The following FHIT variants were observed in gnomAD, a reference collection of about 807,000 sequenced individuals.
The protein encoded by FHIT is bis(5'-adenosyl)-triphosphatase.
In FHIT, 19 loss-of-function variants were observed where a neutral mutation model predicts 17.9. That is an observed-to-expected ratio of 1.06 (90% CI 0.74 to 1.56). FHIT has a LOEUF of 1.56. Among genes scored for constraint, FHIT ranks in the 40% most tolerant of loss-of-function variants. The probability of loss-of-function intolerance (pLI) is 0.00; values close to 1 mark genes in which losing one functional copy is unlikely to be tolerated. For missense variants in FHIT, 248 were observed against 189.2 expected (o/e 1.31, Z -1.82); for synonymous variants, 81 against 69.7 (o/e 1.16, Z -0.81).
chr3:61,234,101 G>A (rs1352842006), intron 1 of FHIT, among the ~76,000 whole-genome samples: 2 of 152,100 alleles, frequency 1.3e-5, no homozygotes, highest in Admixed American at 1.3e-4. Context: ...AGACTGATGT[G>A]GTTAATTGCC....
chr3:60,565,856 G>T (rs1465722933), intron 4 of FHIT, among the ~76,000 whole-genome samples: 2 of 152,078 alleles, frequency 1.3e-5, no homozygotes, highest in Non-Finnish European at 2.9e-5. Flanking sequence ...TGATGTTAGG[G>T]TGTCAATTTT....
chr3:60,914,371 G>A (rs1315804901), intron 3 of FHIT, among the ~76,000 whole-genome samples: 1 of 152,086 alleles, frequency 6.6e-6, no homozygotes, highest in Non-Finnish European at 1.5e-5. Context: ...ATGTCCTAAG[G>A]CCATGAACCA....
At chr3:61,047,990 A>T (rs1447242217) in intron 2 of FHIT, among the ~76,000 whole-genome samples, 1 of 151,322 alleles carries the variant, frequency 6.6e-6, no homozygotes, top group South Asian at 2.1e-4. Flanking sequence ...TGGATTAAAG[A>T]CTTAAATGTT....
chr3:60,519,275 G>A (rs1446910289), intron 5 of FHIT, among the ~76,000 whole-genome samples: 2 of 152,170 alleles, frequency 1.3e-5, no homozygotes, highest in East Asian at 1.9e-4. Flanking sequence ...ATATAAACTA[G>A]ACTGCAGCTT....
At chr3:60,414,918 C>T (rs1399240028) in intron 5 of FHIT, among the ~76,000 whole-genome samples, 1 of 152,142 alleles carries the variant, frequency 6.6e-6, no homozygotes, top group Non-Finnish European at 1.5e-5. Flanking sequence ...AGATAGAAAG[C>T]TACCAGAATT....
At chr3:60,189,921 CAGTT>C (rs977353000) in intron 5 of FHIT, among the ~76,000 whole-genome samples, 5 of 152,156 alleles carry the variant, frequency 3.3e-5, no homozygotes, top group African/African-American at 1.2e-4. Context: ...ATGCATTGAA[CAGTT>C]ACCTCTTCAA....
chr3:61,025,696 G>A (rs2032698158), intron 3 of FHIT, among the ~76,000 whole-genome samples: 1 of 151,938 alleles, frequency 6.6e-6, no homozygotes, highest in African/African-American at 2.4e-5. Flanking sequence ...AGAAAAGTAA[G>A]AAATGGAAGT....
intron 5 of FHIT, among the ~76,000 whole-genome samples, chr3:60,227,299 A>G (rs1704257288): frequency 6.6e-6 from 1 of 152,188 alleles, no homozygotes; most frequent in African/African-American, 2.4e-5. Flanking sequence ...ATTTTATGGC[A>G]TGCATTTCAG....
At position 59,786,631 on chromosome 3, in the gene FHIT, G is replaced by C. The variant is rs77761301; in HGVS notation, c.349-34310C>G. Among the ~76,000 whole-genome samples the C allele has an allele frequency of 3.1e-3, 468 of 152,368 alleles. 3 individuals are homozygous for C. The highest frequency in any genetic ancestry group is 0.011 in the African/African-American group (443 of 41,576). On this transcript the variant is annotated intron_variant, in intron 8 of 9. Coordinates refer to ENST00000492590, the MANE Select transcript of FHIT (RefSeq NM_002012.4). ...GCCTGCAAATACAAATGGTTGCTCT[G>C]TGGCTCATCTGTAACCTCAATGTAG...
At chr3:59,825,537 A>G (rs536567771) in intron 8 of FHIT, among the ~76,000 whole-genome samples, 3 of 152,358 alleles carry the variant, frequency 2.0e-5, no homozygotes, top group Non-Finnish European at 2.9e-5. Flanking sequence ...ACATCTGTCC[A>G]TGAAGATTTC....
At chr3:59,787,302 C>A (rs1377551657) in intron 8 of FHIT, among the ~76,000 whole-genome samples, 1 of 152,124 alleles carries the variant, frequency 6.6e-6, no homozygotes, top group South Asian at 2.1e-4. Flanking sequence ...CTAAAGCCAG[C>A]ATTTTTCTCT....
At chr3:60,066,885 CCG>C (rs1446690977) in intron 5 of FHIT, among the ~76,000 whole-genome samples, 3 of 151,862 alleles carry the variant, frequency 2.0e-5, no homozygotes, top group African/African-American at 4.8e-5. Context: ...ACCTTGTGAT[CCG>C]CCCACCTCGG....
intron 4 of FHIT, among the ~76,000 whole-genome samples, chr3:60,597,097 A>C (rs1385130521): frequency 1.3e-5 from 2 of 152,122 alleles, no homozygotes; most frequent in East Asian, 3.9e-4. Context: ...TGCAGAATTA[A>C]AGTATGCCTA....
At chr3:60,717,220 G>T (rs1332331517) in intron 4 of FHIT, among the ~76,000 whole-genome samples, 2 of 152,040 alleles carry the variant, frequency 1.3e-5, no homozygotes, top group Admixed American at 1.3e-4. Flanking sequence ...AAGTTTTGGA[G>T]ATCTATTATA....
chr3:61,205,354 G>C, intron 1 of FHIT, among the ~76,000 whole-genome samples: 1 of 152,174 alleles, frequency 6.6e-6, no homozygotes, highest in Non-Finnish European at 1.5e-5. Context: ...AGATGGCTGA[G>C]TCAAATGGTA....
rs150242151 is a variant in FHIT, at chr3:60,321,402, G to A, written c.103+215458C>T. On this transcript the variant is annotated intron_variant, in intron 5 of 9. Coordinates refer to ENST00000492590, the MANE Select transcript of FHIT (RefSeq NM_002012.4). ...GAGACAGGAGTATTGTTTGAACTCC[G>A]GAGGTCAAGTCTGCAGAGAGCCACA... Among the ~76,000 whole-genome samples, 58 of 152,278 alleles carry A rather than the reference G, an allele frequency of 3.8e-4. No individual in the cohort carries two copies. The East Asian group carries it at 8.9e-3, about 23-fold the overall frequency.
At chr3:60,633,847 G>T (rs1202542910) in intron 4 of FHIT, among the ~76,000 whole-genome samples, 2 of 152,224 alleles carry the variant, frequency 1.3e-5, no homozygotes, top group Non-Finnish European at 2.9e-5. Context: ...CGCCTCTGCG[G>T]ACACCAAGTC....
chr3:60,498,475 G>A (rs936288375), intron 5 of FHIT, among the ~76,000 whole-genome samples: 6 of 152,052 alleles, frequency 3.9e-5, no homozygotes, highest in African/African-American at 9.7e-5. Flanking sequence ...CTTCAACTAA[G>A]GGTTGGGAAC....
intron 5 of FHIT, among the ~76,000 whole-genome samples, chr3:60,138,818 G>A (rs542544578): frequency 2.0e-5 from 3 of 152,146 alleles, no homozygotes; most frequent in Non-Finnish European, 4.4e-5. Flanking sequence ...GAAAGGCAGA[G>A]ACTCAGGAAG....
Sources: allele counts gnomAD v4.1 joint callset (sites outside exome capture counted in the v4.1 genomes callset), GRCh38; gene constraint gnomAD v4.1.1; transcripts MANE v1.5; gene names NCBI Gene and HGNC (gene_info 2026-07-23, HGNC 2026-07-21).